The following GOLGA4 variants were observed in gnomAD, a reference collection of about 807,000 sequenced individuals.
The protein encoded by GOLGA4 is golgin subfamily A member 4.
GOLGA4 carries 169 observed loss-of-function variants against 265.9 expected under a neutral mutation model. The ratio of observed to expected loss-of-function variants is 0.64; its 90% CI spans 0.56 to 0.72. The LOEUF is 0.72. Among genes scored for constraint, GOLGA4 ranks in the 30% least tolerant of loss-of-function variants. The pLI, the probability that GOLGA4 is intolerant of heterozygous loss-of-function variation, is 0.00. For synonymous variants in GOLGA4, 923 were observed against 855.8 expected, an observed-to-expected ratio of 1.08 and a Z score of -1.37; for missense variants, 2,482 against 2,483.4, an observed-to-expected ratio of 1.00 and a Z score of 0.01.
Position 37,366,229 on chromosome 3 carries a change from A to T in GOLGA4, c.*183A>T, listed in dbSNP as rs1185693443. The T allele has an allele frequency of 3.3e-6, 2 of 606,682 alleles. No homozygotes were observed. Among genetic ancestry groups the T allele is most frequent in the African/African-American group, 3.7e-5 (2 of 53,916 alleles). The allele number at this position is 606,682 out of a possible 1,614,324, so 37.6% of individuals were successfully genotyped here. ...CCAAGAAAAATCTGGCCCACAGATA[A>T]GTTGCAGACTGCCTTTAAAATAGAT... On this transcript the variant is annotated 3_prime_UTR_variant, in exon 24 of 24. Coordinates refer to ENST00000361924, the MANE Select transcript of GOLGA4 (RefSeq NM_002078.5).
rs1396591150 is a variant in GOLGA4, at chr3:37,281,999, G to C, written c.204G>C (p.Arg68=). 1.2e-6 allele frequency: 2 copies of C among 1,614,052 alleles called. No individual in the cohort carries two copies. The highest frequency in any genetic ancestry group is 1.1e-5 in the South Asian group (1 of 91,078). The change falls in exon 3 of 24, where the codon CGG becomes CGC. Residue 68 remains arginine (R), a synonymous_variant. Coordinates refer to ENST00000361924, the MANE Select transcript of GOLGA4 (RefSeq NM_002078.5). ...CTTTTGCACAGAAGCTCCAGCTCCG[G>C]GTGCCCTCCGTGGAGTCTTTGTTTC... The part of the protein sequence containing the change: ...TQSFAQKLQL[R]VPSVESLFRS...
chr3:37,361,802 A>G (rs1314524544), intron 23 of GOLGA4, among the ~76,000 whole-genome samples: 2 of 152,244 alleles, frequency 1.3e-5, no homozygotes. Flanking sequence ...TTACTTCCTG[A>G]AATCAGACAG....
chr3:37,321,277 A>G (rs1446333822), intron 12 of GOLGA4, among the ~76,000 whole-genome samples: 2 of 152,202 alleles, frequency 1.3e-5, no homozygotes, highest in African/African-American at 2.4e-5. Flanking sequence ...TCTTCCCCAT[A>G]TATTAACAAG....
chr3:37,307,502 A>G (rs1050933328), intron 10 of GOLGA4, among the ~76,000 whole-genome samples: 34 of 152,206 alleles, frequency 2.2e-4, no homozygotes, highest in Non-Finnish European at 3.8e-4. Flanking sequence ...GTGCATCCAC[A>G]CATGCCAATA....
intron 23 of GOLGA4, among the ~76,000 whole-genome samples, chr3:37,362,438 C>T (rs1444610682): frequency 2.6e-5 from 4 of 151,324 alleles, no homozygotes; most frequent in African/African-American, 9.7e-5. Flanking sequence ...GACGGGGTTT[C>T]ACCGTTTTAG....
intron 10 of GOLGA4, 29 bp from the exon 11 acceptor site, chr3:37,315,391 A>G: frequency 6.4e-7 from 1 of 1,573,092 alleles, no homozygotes; most frequent in Non-Finnish European, 8.7e-7. Context: ...ATTTCTTGAG[A>G]TACTTGTTTT....
At chr3:37,275,749 G>A in intron 2 of GOLGA4, 2 of 1,613,054 alleles carry the variant, frequency 1.2e-6, no homozygotes, top group Non-Finnish European at 1.7e-6. Context: ...TGCAGAAGAA[G>A]AACGCGGCTG....
At chr3:37,279,558 G>T (rs79136951) in intron 2 of GOLGA4, among the ~76,000 whole-genome samples, 1 of 151,930 alleles carries the variant, frequency 6.6e-6, no homozygotes. Flanking sequence ...TACTTGCTGT[G>T]TTTTTTTTCC....
intron 2 of GOLGA4, among the ~76,000 whole-genome samples, chr3:37,263,021 A>T (rs1193145556): frequency 6.6e-6 from 1 of 152,208 alleles, no homozygotes; most frequent in Non-Finnish European, 1.5e-5. Context: ...TCACTCACTG[A>T]CTCACCCAGA....
chr3:37,246,346 A>G (rs2096719588), intron 1 of GOLGA4, among the ~76,000 whole-genome samples: 1 of 152,094 alleles, frequency 6.6e-6, no homozygotes, highest in Admixed American at 6.6e-5. Context: ...ACAAATACCT[A>G]TTTTGGATTT....
At chr3:37,279,247 T>C (rs2096828055) in intron 2 of GOLGA4, among the ~76,000 whole-genome samples, 1 of 152,196 alleles carries the variant, frequency 6.6e-6, no homozygotes, top group African/African-American at 2.4e-5. Flanking sequence ...CTGAAATCCA[T>C]GTGCTCCAAA....
At chr3:37,289,492 T>C (rs1338903691) in intron 5 of GOLGA4, among the ~76,000 whole-genome samples, 3 of 152,234 alleles carry the variant, frequency 2.0e-5, no homozygotes, top group African/African-American at 7.2e-5. Flanking sequence ...ATTAATGAAA[T>C]GAGGTGTTAG....
At chr3:37,288,274 G>C (rs1231208891) in intron 4 of GOLGA4, among the ~76,000 whole-genome samples, 2 of 146,322 alleles carry the variant, frequency 1.4e-5, no homozygotes, top group African/African-American at 5.0e-5. Context: ...GCTAATTTTT[G>C]AATTTTTTTT....
chr3:37,260,460 C>T (rs572543846), intron 2 of GOLGA4, among the ~76,000 whole-genome samples: 8 of 152,066 alleles, frequency 5.3e-5, no homozygotes, highest in South Asian at 2.1e-4. Context: ...ACCCCACCCC[C>T]GCTGTCTCTA....
At chr3:37,362,974 G>C (rs1386538967) in intron 23 of GOLGA4, among the ~76,000 whole-genome samples, 2 of 151,602 alleles carry the variant, frequency 1.3e-5, no homozygotes, top group East Asian at 3.9e-4. Flanking sequence ...AGTAGAGACA[G>C]GGTTTCACCG....
At chr3:37,327,856 T>C (rs763038366) in intron 14 of GOLGA4, 31 bp downstream of exon 14, 5 of 1,526,780 alleles carry the variant, frequency 3.3e-6, no homozygotes, top group Non-Finnish European at 4.5e-6. Flanking sequence ...AATATTTTTA[T>C]GGCAGTCCTT....
Position 37,341,141 on chromosome 3 carries a change from A to G in GOLGA4, c.6472+942A>G, listed in dbSNP as rs73053210. On this transcript the variant is annotated intron_variant, in intron 20 of 23. Transcript: ENST00000361924. The stretch of plus-strand genomic sequence containing the variant: ...AAGATCATGCCATTGCACTAAAAAA[A>G]AAAATGATCCACCTGCCTCCCAAAG... 8.5e-3 allele frequency among the ~76,000 whole-genome samples: 1,295 copies of G among 152,224 alleles called. 7 individuals are homozygous for G. Among genetic ancestry groups the G allele is most frequent in the Middle Eastern group, 0.02 (6 of 294 alleles).
chr3:37,296,298 C>T, intron 7 of GOLGA4, 79 bp downstream of exon 7: 1 of 1,388,780 alleles, frequency 7.2e-7, no homozygotes, highest in East Asian at 2.4e-5. Flanking sequence ...TTAATCCCAA[C>T]ACTTTGGGAG....
chr3:37,315,336 TAG>T, intron 10 of GOLGA4, 82 bp from the exon 11 acceptor site: 1 of 1,137,866 alleles, frequency 8.8e-7, no homozygotes, highest in Middle Eastern at 2.7e-4. Flanking sequence ...CTGCTGCTCT[TAG>T]TTCTCAAAAA....
Sources: gnomAD v4.1 joint callset for allele counts (sites outside exome capture counted in the v4.1 genomes callset) on GRCh38, gnomAD v4.1.1 for gene constraint, MANE v1.5 for transcripts, NCBI Gene and HGNC (gene_info 2026-07-23, HGNC 2026-07-21) for gene names.